ASTN2: variants seen among roughly 807,000 people sequenced by gnomAD.
ASTN2 encodes astrotactin 2, also known as astrotactin-2.
ASTN2 carries 54 observed loss-of-function variants against 139.8 expected under a neutral mutation model. The observed-to-expected ratio is 0.39, with a 90% CI of 0.31 to 0.48. ASTN2 has a LOEUF of 0.48. Ranked by LOEUF, ASTN2 falls within the 20% of genes least tolerant of loss-of-function variation. The probability of loss-of-function intolerance (pLI) is 0.95; values close to 1 mark genes in which losing one functional copy is unlikely to be tolerated. For synonymous variants in ASTN2, 756 were observed against 719.5 expected, an observed-to-expected ratio of 1.05 and a Z score of -0.81; for missense variants, 1,565 against 1,725.1, an observed-to-expected ratio of 0.91 and a Z score of 1.64.
intron 1 of ASTN2, among the ~76,000 whole-genome samples, chr9:117,384,923 G>A (rs1040990492): frequency 2.0e-5 from 3 of 152,076 alleles, no homozygotes; most frequent in Admixed American, 2.0e-4. Flanking sequence ...ATGGATAAAA[G>A]GGAGTTTGGG....
At chr9:116,924,865 C>T (rs1038681069) in intron 10 of ASTN2, among the ~76,000 whole-genome samples, 24 of 152,204 alleles carry the variant, frequency 1.6e-4, no homozygotes, top group African/African-American at 5.1e-4. Flanking sequence ...TGACTAAGAA[C>T]GCCTTAACCT....
chr9:116,664,033 G>T (rs1242434318), intron 16 of ASTN2, among the ~76,000 whole-genome samples: 2 of 152,082 alleles, frequency 1.3e-5, no homozygotes, highest in Admixed American at 6.6e-5. Flanking sequence ...TGTTGCTTCT[G>T]CCCATTACAT....
intron 13 of ASTN2, among the ~76,000 whole-genome samples, chr9:116,752,172 G>A (rs984529674): frequency 6.6e-6 from 1 of 152,106 alleles, no homozygotes; most frequent in Admixed American, 6.6e-5. Flanking sequence ...GAACAGAATA[G>A]GAAGCACATA....
intron 2 of ASTN2, among the ~76,000 whole-genome samples, chr9:117,290,613 G>A (rs1818345060): frequency 6.6e-6 from 1 of 152,324 alleles, no homozygotes; most frequent in Middle Eastern, 3.4e-3. Context: ...ATCCAGTATA[G>A]TGCTTAACAA....
At chr9:117,068,475 TG>T (rs1162813182) in intron 5 of ASTN2, among the ~76,000 whole-genome samples, 1 of 107,884 alleles carries the variant, frequency 9.3e-6, no homozygotes, top group Non-Finnish European at 1.9e-5. Context: ...TTCTCTTTTT[TG>T]GTTGTGCCTC....
At chr9:117,196,316 C>A (rs1323901131) in intron 3 of ASTN2, among the ~76,000 whole-genome samples, 2 of 152,132 alleles carry the variant, frequency 1.3e-5, no homozygotes, top group Non-Finnish European at 2.9e-5. Flanking sequence ...CAGCTGTTGT[C>A]AGCAGCAGCA....
chr9:116,482,643 G>C lies in ASTN2; in HGVS notation c.3497+4716C>G, dbSNP rs1291324830. On this transcript the variant is annotated intron_variant, in intron 20 of 22. Coordinates refer to ENST00000313400, the MANE Select transcript of ASTN2 (RefSeq NM_001365068.1). Reference sequence around the variant, plus strand: ...ACCACTGAGAGCAAATGTGAAACTTGCTGTCGGACTCCCAACCTCGGGCTT... The same window carrying C: ...ACCACTGAGAGCAAATGTGAAACTTCCTGTCGGACTCCCAACCTCGGGCTT... Among the ~76,000 whole-genome samples, 3 of 152,040 alleles carry C rather than the reference G, an allele frequency of 2.0e-5. No individual in the cohort carries two copies. The East Asian group carries it at 5.8e-4, about 29-fold the overall frequency.
intron 5 of ASTN2, among the ~76,000 whole-genome samples, chr9:117,048,259 T>C (rs954529211): frequency 7.2e-5 from 11 of 152,210 alleles, no homozygotes; most frequent in African/African-American, 1.9e-4. Context: ...TTGTCCCACC[T>C]GATACCGACC....
At chr9:116,645,048 T>C (rs961616388) in intron 17 of ASTN2, among the ~76,000 whole-genome samples, 8 of 152,096 alleles carry the variant, frequency 5.3e-5, no homozygotes, top group Non-Finnish European at 1.2e-4. Flanking sequence ...CTCCCAACCC[T>C]GAGATGAAAA....
intron 10 of ASTN2, among the ~76,000 whole-genome samples, chr9:116,900,912 G>C (rs1833992139): frequency 1.3e-5 from 2 of 152,240 alleles, no homozygotes; most frequent in East Asian, 3.9e-4. Context: ...CTCCCGGCTT[G>C]CCAGCGGGTA....
At chr9:117,381,135 A>G (rs1016595447) in intron 1 of ASTN2, among the ~76,000 whole-genome samples, 4 of 152,246 alleles carry the variant, frequency 2.6e-5, no homozygotes, top group Non-Finnish European at 5.9e-5. Flanking sequence ...AGAAGGTCAC[A>G]AAAGACCACA....
chr9:117,269,951 C>T (rs1834025547), intron 2 of ASTN2, among the ~76,000 whole-genome samples: 1 of 151,998 alleles, frequency 6.6e-6, no homozygotes, highest in Admixed American at 6.6e-5. Context: ...ATCCACATGC[C>T]CATTGGATAG....
At chr9:117,073,472 C>G (rs750738502) in intron 5 of ASTN2, among the ~76,000 whole-genome samples, 6 of 152,218 alleles carry the variant, frequency 3.9e-5, no homozygotes, top group Non-Finnish European at 7.3e-5. Context: ...GATCCCACAA[C>G]AGCCCACAAA....
chr9:116,736,396 T>C (rs541344513), intron 13 of ASTN2, among the ~76,000 whole-genome samples: 1 of 152,184 alleles, frequency 6.6e-6, no homozygotes, highest in Non-Finnish European at 1.5e-5. Context: ...TAACAGGTCA[T>C]GGTAGATGTC....
At chr9:116,472,437 A>G (rs1255051161) in intron 20 of ASTN2, among the ~76,000 whole-genome samples, 2 of 152,176 alleles carry the variant, frequency 1.3e-5, no homozygotes, top group Non-Finnish European at 2.9e-5. Context: ...ATTATGGGGC[A>G]AATCACCTTC....
At chr9:116,672,655 GACT>G (rs1443117791) in intron 16 of ASTN2, among the ~76,000 whole-genome samples, 12 of 152,320 alleles carry the variant, frequency 7.9e-5, no homozygotes, top group Non-Finnish European at 1.3e-4. Flanking sequence ...TGTGGTAGAT[GACT>G]ACTATTATCC....
chr9:116,552,057 TA>T, intron 19 of ASTN2: 1 of 151,706 alleles, frequency 6.6e-6, no homozygotes. Context: ...TTAATTGCAA[TA>T]ATTTTCAGAT....
chr9:117,200,303 T>G (rs1173285221), intron 3 of ASTN2, among the ~76,000 whole-genome samples: 2 of 150,778 alleles, frequency 1.3e-5, no homozygotes, highest in Admixed American at 1.3e-4. Flanking sequence ...TTATGTCATC[T>G]GCAAACAGAG....
Position 116,874,134 on chromosome 9 carries a change from C to T in ASTN2, c.1890-10401G>A, listed in dbSNP as rs149543093. Among the ~76,000 whole-genome samples the T allele has an allele frequency of 6.0e-3, 910 of 152,262 alleles. 13 individuals are homozygous for T. The highest frequency in any genetic ancestry group is 0.021 in the African/African-American group (877 of 41,536). ...GTCCTAGTGACAGAGCTGGGTTCCA[C>T]CCTGGGTGTATCTGACTTCGGACTC... is the stretch of plus-strand genomic sequence containing the variant. On this transcript the variant is annotated intron_variant, in intron 10 of 22. Transcript: ENST00000313400.
Sources: gnomAD v4.1 joint callset for allele counts (sites outside exome capture counted in the v4.1 genomes callset) on GRCh38, gnomAD v4.1.1 for gene constraint, MANE v1.5 for transcripts, NCBI Gene and HGNC (gene_info 2026-07-23, HGNC 2026-07-21) for gene names.